The following ANO6 variants were observed in gnomAD, a reference collection of about 807,000 sequenced individuals.
The protein encoded by ANO6 is anoctamin-6.
A neutral mutation model predicts 117.5 loss-of-function variants in ANO6; 106 were observed. The ratio of observed to expected loss-of-function variants is 0.90; its 90% confidence interval spans 0.77 to 1.06. The LOEUF (loss-of-function observed/expected upper bound fraction) is 1.06, where lower values mean the gene tolerates loss of function less well. ANO6 is among the 50% of genes least tolerant of loss of function. The probability of loss-of-function intolerance (pLI) is 0.00; values close to 1 mark genes in which losing one functional copy is unlikely to be tolerated. For synonymous variants in ANO6, 367 were observed against 385.1 expected (o/e 0.95, Z 0.55); for missense variants, 955 against 1,121.1 (o/e 0.85, Z 2.12).
rs556531851 is a variant in ANO6, at chr12:45,415,324, T to C, written c.2012-1375T>C. Among the ~76,000 whole-genome samples, 3 of 152,360 alleles carry C rather than the reference T, an allele frequency of 2.0e-5. No individual in the cohort carries two copies. In the East Asian group the frequency reaches 5.8e-4, roughly 29 times the overall value. On this transcript the variant is annotated intron_variant, in intron 16 of 19. Coordinates refer to ENST00000320560, the MANE Select transcript of ANO6 (RefSeq NM_001025356.3). Reference sequence around the variant, plus strand: ...CATTATAAATGGTATCTTTTCTCTTTTGGATTTTTAACAAGGTTTACTGAT... The same window carrying C: ...CATTATAAATGGTATCTTTTCTCTTCTGGATTTTTAACAAGGTTTACTGAT...
chr12:45,426,254 CAT>C (rs770958801), intron 19 of ANO6, among the ~76,000 whole-genome samples: 11 of 152,206 alleles, frequency 7.2e-5, no homozygotes, highest in Non-Finnish European at 1.0e-4. Flanking sequence ...AGAAATTCCA[CAT>C]ATCTATAAAT....
chr12:45,299,328 C>T (rs1939402723), intron 1 of ANO6, among the ~76,000 whole-genome samples: 1 of 152,164 alleles, frequency 6.6e-6, no homozygotes, highest in Non-Finnish European at 1.5e-5. Flanking sequence ...CAGGAGTTCT[C>T]AGAGGCAAGC....
At chr12:45,396,779 C>T (rs1022304091) in intron 12 of ANO6, among the ~76,000 whole-genome samples, 11 of 152,018 alleles carry the variant, frequency 7.2e-5, no homozygotes, top group African/African-American at 1.7e-4. Context: ...ACTGGCTAGC[C>T]GTATGTAGAA....
At chr12:45,428,890 TA>T (rs1245798688) in intron 19 of ANO6, among the ~76,000 whole-genome samples, 1 of 152,206 alleles carries the variant, frequency 6.6e-6, no homozygotes, top group Non-Finnish European at 1.5e-5. Flanking sequence ...TATACTTTTC[TA>T]CATATCACAT....
At chr12:45,222,914 A>G (rs529761600) in intron 1 of ANO6, among the ~76,000 whole-genome samples, 66 of 152,318 alleles carry the variant, frequency 4.3e-4, no homozygotes, top group Admixed American at 9.8e-4. Context: ...TTTTTGTCCA[A>G]TCACTTTTCA....
At chr12:45,335,801 T>G (rs1373697023) in intron 3 of ANO6, among the ~76,000 whole-genome samples, 1 of 152,050 alleles carries the variant, frequency 6.6e-6, no homozygotes, top group Non-Finnish European at 1.5e-5. Context: ...TCAGAGGCAT[T>G]TTAAATGCAG....
At chr12:45,397,726 A>G (rs879056981) in intron 12 of ANO6, among the ~76,000 whole-genome samples, 8 of 152,218 alleles carry the variant, frequency 5.3e-5, no homozygotes, top group Non-Finnish European at 8.8e-5. Flanking sequence ...TGAGCAGACT[A>G]TCACAAGGCC....
chr12:45,336,798 A>T (rs574949645), intron 3 of ANO6, among the ~76,000 whole-genome samples: 66 of 152,158 alleles, frequency 4.3e-4, no homozygotes, highest in Admixed American at 9.8e-4. Flanking sequence ...AATAAATAAA[A>T]AAAGGAAGTT....
At chr12:45,385,091 G>T (rs1296999823) in intron 10 of ANO6, among the ~76,000 whole-genome samples, 1 of 152,122 alleles carries the variant, frequency 6.6e-6, no homozygotes, top group Non-Finnish European at 1.5e-5. Flanking sequence ...TTCATTCAGT[G>T]CATTCATTCG....
intron 2 of ANO6, among the ~76,000 whole-genome samples, chr12:45,302,520 A>G (rs974468497): frequency 6.6e-6 from 1 of 152,182 alleles, no homozygotes; most frequent in African/African-American, 2.4e-5. Context: ...TGGAGCTTTC[A>G]GTGATACAAC....
intron 19 of ANO6, among the ~76,000 whole-genome samples, chr12:45,426,067 C>G (rs780045679): frequency 6.6e-6 from 1 of 152,178 alleles, no homozygotes; most frequent in Non-Finnish European, 1.5e-5. Flanking sequence ...GTTGCAGTTT[C>G]CAGGAACCTG....
At chr12:45,368,664 T>TA (rs1941745488) in intron 9 of ANO6, among the ~76,000 whole-genome samples, 1 of 152,194 alleles carries the variant, frequency 6.6e-6, no homozygotes, top group South Asian at 2.1e-4. Context: ...GCATTTTCCT[T>TA]ACAATCCTGA....
chr12:45,254,829 A>T (rs1038364857), intron 1 of ANO6, among the ~76,000 whole-genome samples: 1 of 152,246 alleles, frequency 6.6e-6, no homozygotes, highest in Admixed American at 6.5e-5. Flanking sequence ...CAGACTCAAC[A>T]TACTTGAATG....
intron 12 of ANO6, among the ~76,000 whole-genome samples, chr12:45,395,998 C>T (rs749782910): frequency 2.6e-5 from 4 of 152,124 alleles, no homozygotes; most frequent in Admixed American, 2.0e-4. Flanking sequence ...CCAGGGCAGT[C>T]AGGCAAGAGA....
At chr12:45,305,991 A>G (rs1939656783) in intron 2 of ANO6, among the ~76,000 whole-genome samples, 1 of 152,160 alleles carries the variant, frequency 6.6e-6, no homozygotes, top group Non-Finnish European at 1.5e-5. Context: ...ACATTGACCC[A>G]GGAACTCAGA....
rs202121654 is a variant in ANO6, at chr12:45,416,794, G to T, written c.2107G>T (p.Ala703Ser). ...CAATATATTGGAAATAAGAGTGGAC[G>T]CATGGAAACTGACCACCCAGTTTAG... ...VNNILEIRVD[A>S]WKLTTQFRRL... The change falls in exon 17 of 20, where the codon GCA (alanine) becomes TCA (serine). Residue 703 changes from alanine (A) to serine (S), a missense_variant. Coordinates refer to ENST00000320560, the MANE Select transcript of ANO6 (RefSeq NM_001025356.3). 312 of 1,613,988 alleles carry T rather than the reference G, an allele frequency of 1.9e-4. 1 individual carries two copies. The highest frequency in any genetic ancestry group is 3.3e-5 in the Admixed American group (2 of 60,000).
intron 1 of ANO6, among the ~76,000 whole-genome samples, chr12:45,253,045 A>G (rs762762035): frequency 2.0e-5 from 3 of 152,214 alleles, no homozygotes; most frequent in African/African-American, 4.8e-5. Flanking sequence ...AGATACTGGT[A>G]TAACATTGTT....
intron 9 of ANO6, among the ~76,000 whole-genome samples, chr12:45,373,154 A>G (rs1262034328): frequency 1.3e-5 from 2 of 152,202 alleles, no homozygotes; most frequent in Non-Finnish European, 2.9e-5. Context: ...TTCAACAAGA[A>G]GAGCTAACTA....
At chr12:45,248,850 T>C (rs553129849) in intron 1 of ANO6, among the ~76,000 whole-genome samples, 29 of 152,292 alleles carry the variant, frequency 1.9e-4, no homozygotes, top group South Asian at 6.2e-4. Context: ...ACTTAGTGAG[T>C]CTTAGAATTC....
Sources: gnomAD v4.1 joint callset for allele counts (sites outside exome capture counted in the v4.1 genomes callset) on GRCh38, gnomAD v4.1.1 for gene constraint, MANE v1.5 for transcripts, NCBI Gene and HGNC (gene_info 2026-07-23, HGNC 2026-07-21) for gene names.